OXR1: variants seen among roughly 807,000 people sequenced by gnomAD.
OXR1 encodes the protein oxidation resistance 1, also known as oxidation resistance protein 1.
In OXR1, 41 loss-of-function variants were observed where a neutral mutation model predicts 104.6. That is an observed-to-expected ratio of 0.39 (90% CI 0.31 to 0.51). OXR1 has a LOEUF of 0.51. OXR1 is among the 20% of genes least tolerant of loss of function. The pLI is 0.77. For missense variants in OXR1, 955 were observed against 1,031.9 expected, an observed-to-expected ratio of 0.93 and a Z score of 1.02; for synonymous variants, 348 against 348.4, an observed-to-expected ratio of 1.00 and a Z score of 0.01.
At chr8:106,316,717 C>CTATCTATCTATCTATCACCT (rs147531007) in intron 1 of OXR1, among the ~76,000 whole-genome samples, 1 of 118,638 alleles carries the variant, frequency 8.4e-6, no homozygotes, top group Non-Finnish European at 1.7e-5. Flanking sequence ...ATCTATCTAT[C>CTATCTATCTATCTATCACCT]ATCTATCTAT....
chr8:106,750,329 T>C (rs990098058), intron 16 of OXR1, among the ~76,000 whole-genome samples: 3 of 146,312 alleles, frequency 2.1e-5, no homozygotes, highest in Non-Finnish European at 4.5e-5. Context: ...CTTTTCTTTT[T>C]TTTTTTTTTT....
rs1055212838 is a variant in OXR1 at position 106,438,799 on chromosome 8, A to G, written c.23+79163A>G. Among the ~76,000 whole-genome samples the G allele has an allele frequency of 4.6e-5, 7 of 152,276 alleles. No individual in the cohort carries two copies. In the East Asian group the frequency reaches 1.4e-3, roughly 29 times the overall value. ...GGTGCAGGACGATATAGCTTGTCCA[A>G]TAAGTGTGGAATTAGATTAGCACTA... On this transcript the variant is annotated intron_variant, in intron 2 of 16. Coordinates refer to ENST00000517566, the MANE Select transcript of OXR1 (RefSeq NM_001198533.2).
At chr8:106,663,461 G>A (rs940275460) in intron 3 of OXR1, among the ~76,000 whole-genome samples, 109 of 152,268 alleles carry the variant, frequency 7.2e-4, no homozygotes, top group Admixed American at 7.1e-3. Flanking sequence ...AGCTGGAAAT[G>A]CAAAATCCAA....
chr8:106,618,748 A>G (rs1019913420), intron 3 of OXR1, among the ~76,000 whole-genome samples: 7 of 152,178 alleles, frequency 4.6e-5, no homozygotes, highest in Non-Finnish European at 1.5e-5. Context: ...AATTCATTTC[A>G]TTAAGACTCT....
At chr8:106,378,769 A>G (rs1817010341) in intron 2 of OXR1, among the ~76,000 whole-genome samples, 1 of 152,160 alleles carries the variant, frequency 6.6e-6, no homozygotes, top group African/African-American at 2.4e-5. Context: ...TCGGCCTCCC[A>G]AAGTGTTGGG....
chr8:106,342,549 C>T (rs1467046454), intron 1 of OXR1, among the ~76,000 whole-genome samples: 1 of 152,068 alleles, frequency 6.6e-6, no homozygotes, highest in Non-Finnish European at 1.5e-5. Context: ...GCCACCGTGC[C>T]CGGCCTCTCT....
At chr8:106,493,547 C>A (rs1811233101) in intron 2 of OXR1, among the ~76,000 whole-genome samples, 1 of 152,060 alleles carries the variant, frequency 6.6e-6, no homozygotes, top group Admixed American at 6.6e-5. Flanking sequence ...TTGATTCTTT[C>A]ATGCTTATAT....
intron 3 of OXR1, among the ~76,000 whole-genome samples, chr8:106,536,077 G>A (rs766042814): frequency 2.6e-5 from 4 of 151,822 alleles, no homozygotes; most frequent in East Asian, 1.9e-4. Context: ...AAAATTAGCC[G>A]GGCGTGGTGG....
chr8:106,359,877 T>G (rs193010621), intron 2 of OXR1, among the ~76,000 whole-genome samples: 1 of 152,260 alleles, frequency 6.6e-6, no homozygotes, highest in Non-Finnish European at 1.5e-5. Context: ...CCCAGTGACC[T>G]CCAATACCTT....
At chr8:106,583,625 G>A (rs1453498957) in intron 3 of OXR1, among the ~76,000 whole-genome samples, 1 of 152,110 alleles carries the variant, frequency 6.6e-6, no homozygotes, top group Admixed American at 6.5e-5. Flanking sequence ...ATAAAATTTC[G>A]TAGTTTGAAG....
At chr8:106,298,481 A>G (rs1813097814) in intron 1 of OXR1, among the ~76,000 whole-genome samples, 1 of 152,200 alleles carries the variant, frequency 6.6e-6, no homozygotes, top group East Asian at 1.9e-4. Context: ...TGGGAGCTAC[A>G]GTTCAAGATG....
At chr8:106,576,648 CATT>C (rs1374187183) in intron 3 of OXR1, among the ~76,000 whole-genome samples, 1 of 151,846 alleles carries the variant, frequency 6.6e-6, no homozygotes, top group Non-Finnish European at 1.5e-5. Flanking sequence ...TTTTAAAAAT[CATT>C]ATTTAGGCAT....
At chr8:106,479,979 C>T (rs1346320632) in intron 2 of OXR1, among the ~76,000 whole-genome samples, 2 of 151,908 alleles carry the variant, frequency 1.3e-5, no homozygotes, top group South Asian at 2.1e-4. Context: ...GTTATGTAGG[C>T]GGGAGCTGTA....
chr8:106,419,607 G>C (rs1208651315), intron 2 of OXR1, among the ~76,000 whole-genome samples: 1 of 152,142 alleles, frequency 6.6e-6, no homozygotes, highest in African/African-American at 2.4e-5. Flanking sequence ...CAACAGGGCA[G>C]TTAGAGCCTA....
At chr8:106,509,250 A>C (rs1158097099) in intron 2 of OXR1, among the ~76,000 whole-genome samples, 3 of 152,180 alleles carry the variant, frequency 2.0e-5, no homozygotes, top group African/African-American at 7.2e-5. Flanking sequence ...GATTTACATA[A>C]TGTGTTCCTA....
chr8:106,716,630 C>CAAA (rs760744812), intron 11 of OXR1, among the ~76,000 whole-genome samples: 6 of 71,474 alleles, frequency 8.4e-5, no homozygotes, highest in Admixed American at 1.9e-4. Context: ...GACTCCGTCT[C>CAAA]AAAAAAAAAA....
intron 11 of OXR1, 145 bp downstream of exon 11, chr8:106,714,130 T>C (rs1048342448): frequency 1.7e-6 from 1 of 597,358 alleles, no homozygotes; most frequent in Non-Finnish European, 2.8e-6. Flanking sequence ...TATTTGTGGT[T>C]ATTGAATGAA....
intron 2 of OXR1, among the ~76,000 whole-genome samples, chr8:106,406,544 C>A (rs13439754): frequency 0.23 from 34,568 of 151,944 alleles, 5,576 homozygotes; most frequent in African/African-American, 0.44. Context: ...AAGCCATGAA[C>A]AGTTATTAAG....
chr8:106,578,639 CATT>C (rs1210600061), intron 3 of OXR1, among the ~76,000 whole-genome samples: 1 of 152,142 alleles, frequency 6.6e-6, no homozygotes, highest in Non-Finnish European at 1.5e-5. Context: ...CTGTGTGTGT[CATT>C]GTAAAATTGT....
Sources: gnomAD v4.1 joint callset for allele counts (sites outside exome capture counted in the v4.1 genomes callset) on GRCh38, gnomAD v4.1.1 for gene constraint, MANE v1.5 for transcripts, NCBI Gene and HGNC (gene_info 2026-07-23, HGNC 2026-07-21) for gene names.